CNTN5: variants seen among roughly 807,000 people sequenced by gnomAD.
CNTN5 encodes contactin 5, also known as contactin-5.
CNTN5 carries 77 observed loss-of-function variants against 129.1 expected under a neutral mutation model. The observed-to-expected ratio is 0.60, with a 90% confidence interval of 0.50 to 0.72. The LOEUF is 0.72. Among genes scored for constraint, CNTN5 ranks in the 30% least tolerant of loss-of-function variants. CNTN5 has a pLI of 0.00. For synonymous variants in CNTN5, 509 were observed against 465.6 expected (o/e 1.09, Z -1.20); for missense variants, 1,478 against 1,328.8 (o/e 1.11, Z -1.75).
intron 13 of CNTN5, among the ~76,000 whole-genome samples, chr11:100,140,099 G>A (rs1016375041): frequency 6.6e-6 from 1 of 152,088 alleles, no homozygotes; most frequent in Non-Finnish European, 1.5e-5. Flanking sequence ...AGTGAAGAGG[G>A]GAAGAGATAG....
intron 3 of CNTN5, among the ~76,000 whole-genome samples, chr11:99,785,769 A>G (rs1945498477): frequency 6.6e-6 from 1 of 152,138 alleles, no homozygotes; most frequent in Non-Finnish European, 1.5e-5. Flanking sequence ...GATTTTCTCA[A>G]TAGATGTAGA....
At chr11:99,159,464 T>A (rs559178009) in intron 1 of CNTN5, among the ~76,000 whole-genome samples, 1 of 151,858 alleles carries the variant, frequency 6.6e-6, no homozygotes, top group African/African-American at 2.4e-5. Context: ...CTACTAAAAA[T>A]ACAAAAAAGT....
At position 99,070,243 on chromosome 11, in the gene CNTN5, ATCT is replaced by A. The variant is rs560057582; in HGVS notation, c.-210+48977_-210+48979del. 4.4e-3 allele frequency among the ~76,000 whole-genome samples: 669 copies of A among 152,292 alleles called. 3 individuals are homozygous for A. The highest frequency in any genetic ancestry group is 0.015 in the African/African-American group (635 of 41,578). On this transcript the variant is annotated intron_variant, in intron 1 of 24. Transcript: ENST00000524871. ...CTGAGTGACGAGAGAAGATCATCTCATCTTCTCTTTTTGCACAGGTCTCACCCT... is the reference window on the plus strand; with the variant it reads ...CTGAGTGACGAGAGAAGATCATCTCATCTCTTTTTGCACAGGTCTCACCCT...
chr11:99,848,259 T>C (rs187332925), intron 6 of CNTN5, among the ~76,000 whole-genome samples: 202 of 152,188 alleles, frequency 1.3e-3, no homozygotes, highest in African/African-American at 4.7e-3. Context: ...TTCCTTTACA[T>C]TGAGATTTTC....
chr11:99,802,311 G>T (rs1051190720), intron 3 of CNTN5, among the ~76,000 whole-genome samples: 2 of 152,196 alleles, frequency 1.3e-5, no homozygotes, highest in African/African-American at 4.8e-5. Context: ...CTCAGGGAAT[G>T]AGCTGATTTG....
At chr11:100,038,202 T>C (rs546687744) in intron 9 of CNTN5, among the ~76,000 whole-genome samples, 189 of 152,318 alleles carry the variant, frequency 1.2e-3, no homozygotes, top group Non-Finnish European at 2.2e-3. Context: ...AACATCTTTA[T>C]TTCTGCCTTC....
At chr11:99,163,047 A>G (rs1449453120) in intron 1 of CNTN5, among the ~76,000 whole-genome samples, 1 of 152,200 alleles carries the variant, frequency 6.6e-6, no homozygotes, top group Non-Finnish European at 1.5e-5. Context: ...TTCAGAAGAA[A>G]TTACGGAAAT....
intron 3 of CNTN5, among the ~76,000 whole-genome samples, chr11:99,700,447 C>T (rs1016837047): frequency 1.3e-5 from 2 of 151,298 alleles, no homozygotes; most frequent in African/African-American, 4.8e-5. Flanking sequence ...TAGGAAATTA[C>T]ATTTAGACAA....
chr11:99,664,516 G>C (rs754305830), intron 3 of CNTN5, among the ~76,000 whole-genome samples: 1 of 152,076 alleles, frequency 6.6e-6, no homozygotes, highest in Non-Finnish European at 1.5e-5. Context: ...AGTAATTCTT[G>C]TTCTAGAAAT....
At chr11:99,292,722 C>A (rs1333063897) in intron 1 of CNTN5, among the ~76,000 whole-genome samples, 1 of 152,104 alleles carries the variant, frequency 6.6e-6, no homozygotes, top group Non-Finnish European at 1.5e-5. Context: ...ATAAAAAGCA[C>A]TTTATGAAAC....
At chr11:100,125,450 T>A (rs1946154031) in intron 13 of CNTN5, among the ~76,000 whole-genome samples, 1 of 152,060 alleles carries the variant, frequency 6.6e-6, no homozygotes, top group Non-Finnish European at 1.5e-5. Context: ...TTAATTCACT[T>A]AGTATAATGA....
Position 99,956,996 on chromosome 11 carries a change from T to A in CNTN5, c.864T>A (p.Thr288=). The A allele has an allele frequency of 6.2e-7, 1 of 1,613,598 alleles. No homozygotes were observed. The highest frequency in any genetic ancestry group is 8.5e-7 in the Non-Finnish European group (1 of 1,179,680). ...TCCTTAGTCCTCCAACGCCACTCAC[T>A]CTGCGTAATGATGGTAAGTTGCTTG... ...ARVLSPPTPL[T]LRNDGVMGEY... Residue 288 remains threonine (T), a synonymous_variant, in exon 8 of 25, where the codon ACT becomes ACA. Transcript: ENST00000524871.
At chr11:99,854,662 T>G (rs1041791575) in intron 6 of CNTN5, among the ~76,000 whole-genome samples, 1 of 152,114 alleles carries the variant, frequency 6.6e-6, no homozygotes, top group Non-Finnish European at 1.5e-5. Context: ...TCTGGGAGAA[T>G]AAGTAAGTTT....
rs527998609 is a variant in CNTN5 at position 99,703,724 on chromosome 11, A to G, written c.56-115820A>G. ...TCTATTAGTTCAATATGATGCTTATATTGATAAGATTTCAACATATGAAGT... is the reference window on the plus strand; with the variant it reads ...TCTATTAGTTCAATATGATGCTTATGTTGATAAGATTTCAACATATGAAGT... On this transcript the variant is annotated intron_variant, in intron 3 of 24. Coordinates refer to ENST00000524871, the MANE Select transcript of CNTN5 (RefSeq NM_014361.4). 3.3e-5 allele frequency among the ~76,000 whole-genome samples: 5 copies of G among 151,122 alleles called. No individual in the cohort carries two copies. The East Asian group carries it at 9.8e-4, about 29-fold the overall frequency.
chr11:99,756,217 A>G (rs1289400091), intron 3 of CNTN5, among the ~76,000 whole-genome samples: 2 of 152,150 alleles, frequency 1.3e-5, no homozygotes, highest in African/African-American at 4.8e-5. Context: ...GTCTAAGAAC[A>G]GCAGAATAGA....
At position 100,114,004 on chromosome 11, in the gene CNTN5, G is replaced by C. The variant is rs117469373; in HGVS notation, c.1580+39710G>C. On this transcript the variant is annotated intron_variant, in intron 13 of 24. Coordinates refer to ENST00000524871, the MANE Select transcript of CNTN5 (RefSeq NM_014361.4). ...TCAGATCTATTCTTCCATCCCTCTT[G>C]AATGTATATGGTCTTGATTTGTTTG... Among the ~76,000 whole-genome samples the C allele has an allele frequency of 5.6e-4, 85 of 152,074 alleles. No individual in the cohort carries two copies. In the East Asian group the frequency reaches 0.016, roughly 28 times the overall value.
At chr11:99,898,371 T>G (rs2135939297) in intron 6 of CNTN5, among the ~76,000 whole-genome samples, 2 of 152,028 alleles carry the variant, frequency 1.3e-5, no homozygotes, top group Middle Eastern at 6.8e-3. Flanking sequence ...TGGAAATGAT[T>G]AAGGTGACAT....
intron 9 of CNTN5, among the ~76,000 whole-genome samples, chr11:100,037,255 T>C (rs1329204899): frequency 1.3e-5 from 2 of 149,720 alleles, no homozygotes; most frequent in African/African-American, 5.0e-5. Context: ...GTTCTGTTTA[T>C]ATGCTGGATT....
At chr11:100,136,927 A>G (rs1454526413) in intron 13 of CNTN5, among the ~76,000 whole-genome samples, 2 of 151,946 alleles carry the variant, frequency 1.3e-5, no homozygotes, top group Non-Finnish European at 2.9e-5. Context: ...CATTACCTGC[A>G]AGGAAAATTA....
Sources: allele counts gnomAD v4.1 joint callset (sites outside exome capture counted in the v4.1 genomes callset), GRCh38; gene constraint gnomAD v4.1.1; transcripts MANE v1.5; gene names NCBI Gene and HGNC (gene_info 2026-07-23, HGNC 2026-07-21).